Variants in CCSER1 observed in about 807,000 individuals in gnomAD.
The protein encoded by CCSER1 is serine-rich coiled-coil domain-containing protein 1.
A neutral mutation model predicts 82.0 loss-of-function variants in CCSER1; 41 were observed. The observed-to-expected ratio is 0.50, with a 90% confidence interval of 0.39 to 0.65. The LOEUF is 0.65. CCSER1 is among the 30% of genes least tolerant of loss of function. The probability of loss-of-function intolerance (pLI) is 0.00; values close to 1 mark genes in which losing one functional copy is unlikely to be tolerated. For missense variants in CCSER1, 1,119 were observed against 1,064.2 expected (o/e 1.05, Z -0.72); for synonymous variants, 414 against 383.9 (o/e 1.08, Z -0.92).
Position 90,586,138 on chromosome 4 carries a change from C to T in CCSER1, c.1725-41887C>T, listed in dbSNP as rs575371232. 3.3e-5 allele frequency among the ~76,000 whole-genome samples: 5 copies of T among 152,220 alleles called. No individual in the cohort carries two copies. The South Asian group carries it at 1.0e-3, about 32-fold the overall frequency. ...GTGAGCGAGCATTACTGCCTGAGCT[C>T]CACCTCCTGTCAGATTAGCGCTGGC... On this transcript the variant is annotated intron_variant, in intron 5 of 10. Transcript: ENST00000509176.
At chr4:91,243,992 G>T (rs532579848) in intron 10 of CCSER1, among the ~76,000 whole-genome samples, 1 of 152,184 alleles carries the variant, frequency 6.6e-6, no homozygotes, top group African/African-American at 2.4e-5. Context: ...TAGGCTCTTA[G>T]AAAGCATTTC....
chr4:90,812,693 C>T (rs966092716), intron 7 of CCSER1, among the ~76,000 whole-genome samples: 7 of 152,136 alleles, frequency 4.6e-5, no homozygotes, highest in African/African-American at 1.4e-4. Context: ...TTAATTGACT[C>T]ACAATTCTGT....
Position 91,058,008 on chromosome 4 carries a change from A to G in CCSER1, c.2173-27942A>G, listed in dbSNP as rs1285849680. On this transcript the variant is annotated intron_variant, in intron 9 of 10. Coordinates refer to ENST00000509176, the MANE Select transcript of CCSER1 (RefSeq NM_001145065.2). ...TCTTTTCTGCTTTATGTCAAAACCC[A>G]GATTCCTTTTATTTAACTTTTATTT... Among the ~76,000 whole-genome samples the G allele has an allele frequency of 8.5e-5, 13 of 152,214 alleles. No homozygotes were observed. The South Asian group carries it at 1.4e-3, about 17-fold the overall frequency.
At chr4:90,635,707 A>G (rs1725298391) in intron 6 of CCSER1, among the ~76,000 whole-genome samples, 1 of 151,874 alleles carries the variant, frequency 6.6e-6, no homozygotes. Flanking sequence ...AGTATTAAAT[A>G]GTACAATTGG....
chr4:90,744,224 C>CTA (rs1296409236), intron 7 of CCSER1, among the ~76,000 whole-genome samples: 1 of 152,154 alleles, frequency 6.6e-6, no homozygotes, highest in Non-Finnish European at 1.5e-5. Flanking sequence ...AGGCCTTGTG[C>CTA]TAGACCCTGA....
intron 1 of CCSER1, among the ~76,000 whole-genome samples, chr4:90,187,325 A>G (rs922699377): frequency 2.6e-5 from 4 of 151,572 alleles, no homozygotes; most frequent in Admixed American, 2.0e-4. Flanking sequence ...CTTAAAATCA[A>G]TGACATTGTA....
intron 4 of CCSER1, among the ~76,000 whole-genome samples, chr4:90,413,719 G>C (rs1276462729): frequency 6.6e-6 from 1 of 151,158 alleles, no homozygotes; most frequent in African/African-American, 2.4e-5. Flanking sequence ...ACTTTGGGAG[G>C]CCAAGGCGGG....
intron 9 of CCSER1, among the ~76,000 whole-genome samples, chr4:90,967,309 C>T (rs532580562): frequency 6.6e-6 from 1 of 151,694 alleles, no homozygotes; most frequent in African/African-American, 2.4e-5. Flanking sequence ...ATTAGCTGGG[C>T]GTGGTGGAGT....
At chr4:90,493,074 C>T (rs980947682) in intron 5 of CCSER1, among the ~76,000 whole-genome samples, 11 of 152,178 alleles carry the variant, frequency 7.2e-5, no homozygotes, top group African/African-American at 2.6e-4. Context: ...CTTAAATTAC[C>T]TGATGGAGCT....
At chr4:90,261,897 T>G (rs1724391544) in intron 1 of CCSER1, among the ~76,000 whole-genome samples, 1 of 152,162 alleles carries the variant, frequency 6.6e-6, no homozygotes, top group Non-Finnish European at 1.5e-5. Context: ...TGAAACTTTC[T>G]GTTACATTTT....
chr4:90,980,437 G>T (rs1736008460), intron 9 of CCSER1, among the ~76,000 whole-genome samples: 1 of 151,788 alleles, frequency 6.6e-6, no homozygotes, highest in South Asian at 2.1e-4. Context: ...AGACCTTCAT[G>T]AAAGTAAGTT....
intron 1 of CCSER1, among the ~76,000 whole-genome samples, chr4:90,169,997 C>T (rs1178344040): frequency 1.3e-5 from 2 of 151,826 alleles, no homozygotes; most frequent in East Asian, 1.9e-4. Flanking sequence ...TCTTATGTCA[C>T]CTAGATAGAT....
chr4:91,356,394 T>C (rs1748836429), intron 10 of CCSER1, among the ~76,000 whole-genome samples: 2 of 152,246 alleles, frequency 1.3e-5, no homozygotes, highest in Non-Finnish European at 2.9e-5. Flanking sequence ...TCTACCAAAA[T>C]ATTGACTTAA....
At chr4:91,548,625 T>C (rs1292082278) in intron 10 of CCSER1, among the ~76,000 whole-genome samples, 5 of 152,104 alleles carry the variant, frequency 3.3e-5, no homozygotes, top group Admixed American at 1.3e-4. Flanking sequence ...TCTCATGGTA[T>C]GTAATTCTAG....
chr4:90,514,614 G>A (rs1410340189), intron 5 of CCSER1, among the ~76,000 whole-genome samples: 2 of 151,972 alleles, frequency 1.3e-5, no homozygotes, highest in Admixed American at 1.3e-4. Flanking sequence ...AAATTAGCTG[G>A]GCATGGTGGC....
intron 10 of CCSER1, among the ~76,000 whole-genome samples, chr4:91,329,254 A>C (rs1746781021): frequency 6.6e-6 from 1 of 152,130 alleles, no homozygotes; most frequent in African/African-American, 2.4e-5. Context: ...TCTTATATCC[A>C]GCAATGCTGC....
intron 5 of CCSER1, among the ~76,000 whole-genome samples, chr4:90,625,441 A>G (rs1723088276): frequency 6.6e-6 from 1 of 152,222 alleles, no homozygotes; most frequent in Non-Finnish European, 1.5e-5. Context: ...CGGCCTTTGC[A>G]GCTGAGTGGC....
chr4:90,790,234 G>A (rs1231671825), intron 7 of CCSER1, among the ~76,000 whole-genome samples: 2 of 152,058 alleles, frequency 1.3e-5, no homozygotes, highest in Non-Finnish European at 2.9e-5. Flanking sequence ...ACTACTGCAG[G>A]AGTAATTTAT....
chr4:90,357,553 T>G (rs1744592109), intron 3 of CCSER1, among the ~76,000 whole-genome samples: 1 of 151,936 alleles, frequency 6.6e-6, no homozygotes, highest in Admixed American at 6.6e-5. Flanking sequence ...AAAATCAGGA[T>G]TTTCCAATTT....
Sources: allele counts gnomAD v4.1 joint callset (sites outside exome capture counted in the v4.1 genomes callset), GRCh38; gene constraint gnomAD v4.1.1; transcripts MANE v1.5; gene names NCBI Gene and HGNC (gene_info 2026-07-23, HGNC 2026-07-21).